RTL4: variants seen among roughly 807,000 people sequenced by gnomAD.
RTL4 encodes retrotransposon Gag like 4, also known as retrotransposon Gag-like protein 4.
RTL4 carries 4 observed loss-of-function variants against 5.3 expected under a neutral mutation model. That is an observed-to-expected ratio of 0.75 (90% CI 0.37 to 1.72). RTL4 has a LOEUF of 1.72. Ranked by LOEUF, RTL4 falls within the 40% of genes most tolerant of loss-of-function variation. The pLI is 0.04. For missense variants in RTL4, 260 were observed against 227.1 expected (o/e 1.14, Z -0.93); for synonymous variants, 98 against 87.3 (o/e 1.12, Z -0.68).
chrX:112,195,790 T>C, the RTL4 span, among the ~76,000 whole-genome samples: 1 of 111,621 alleles, frequency 9.0e-6, no homozygotes, highest in Non-Finnish European at 1.9e-5. Flanking sequence ...TTGTGTTTAG[T>C]TCTGGTACCT....
chrX:112,447,326 G>T, the RTL4 span, among the ~76,000 whole-genome samples: 1 of 111,771 alleles, frequency 8.9e-6, no homozygotes, highest in East Asian at 2.8e-4. Context: ...TGGATGCCAG[G>T]AAATTTACAT....
the RTL4 span, among the ~76,000 whole-genome samples, chrX:112,105,123 C>G: frequency 9.0e-6 from 1 of 111,642 alleles, no homozygotes; most frequent in Non-Finnish European, 1.9e-5. Flanking sequence ...ATCCAGTTTT[C>G]TCATCATAAT....
At chrX:112,442,415 A>AT in the RTL4 span, among the ~76,000 whole-genome samples, 23,358 of 97,058 alleles carry the variant, frequency 0.24, 2,557 homozygotes, top group African/African-American at 0.39. Context: ...TAATTTTTGT[A>AT]TTTTTTTTTT....
the RTL4 span, among the ~76,000 whole-genome samples, chrX:112,250,494 CTG>C: frequency 1.8e-5 from 2 of 111,536 alleles, no homozygotes; most frequent in Non-Finnish European, 3.8e-5. Context: ...TAGACCCAGT[CTG>C]TGTATCACTT....
At chrX:112,376,343 C>T in the RTL4 span, among the ~76,000 whole-genome samples, 1 of 111,440 alleles carries the variant, frequency 9.0e-6, no homozygotes, top group African/African-American at 3.3e-5. Flanking sequence ...TATTGACTCA[C>T]TCCCAGTTGA....
At chrX:112,431,410 A>G in the RTL4 span, among the ~76,000 whole-genome samples, 507 of 111,872 alleles carry the variant, frequency 4.5e-3, 2 homozygotes, top group African/African-American at 0.016. Flanking sequence ...CTGGTAATAA[A>G]ACTTACAAAA....
the RTL4 span, among the ~76,000 whole-genome samples, chrX:112,421,126 A>C: frequency 9.0e-6 from 1 of 111,524 alleles, no homozygotes; most frequent in Admixed American, 9.6e-5. Context: ...ATTTGTGAGA[A>C]CAAGGGCTCT....
chrX:112,269,884 C>T, the RTL4 span, among the ~76,000 whole-genome samples: 2 of 112,304 alleles, frequency 1.8e-5, no homozygotes, highest in Admixed American at 9.4e-5. Flanking sequence ...CTGTCCAATT[C>T]ACTTCTAGCC....
chrX:112,216,035 G>A, the RTL4 span, among the ~76,000 whole-genome samples: 1 of 111,566 alleles, frequency 9.0e-6, no homozygotes, highest in East Asian at 2.8e-4. Context: ...TTTCCTTTAT[G>A]TTAAGGGATG....
At chrX:112,401,104 T>A in the RTL4 span, among the ~76,000 whole-genome samples, 1 of 112,162 alleles carries the variant, frequency 8.9e-6, no homozygotes, top group Non-Finnish European at 1.9e-5. Flanking sequence ...TTCATATATT[T>A]TGTTCATTGT....
exon 1 of RTL4, chrX:112,455,946 G>C: frequency 2.9e-6 from 1 of 340,280 alleles, no homozygotes; most frequent in African/African-American, 2.6e-5. Context: ...TGCCCAGTCT[G>C]AGCCAATGAA....
At chrX:112,136,824 C>T in the RTL4 span, among the ~76,000 whole-genome samples, 3 of 111,664 alleles carry the variant, frequency 2.7e-5, no homozygotes, top group Admixed American at 1.9e-4. Flanking sequence ...GTTTTTATGC[C>T]AGTTTTATAC....
chrX:112,213,250 G>T, the RTL4 span, among the ~76,000 whole-genome samples: 1 of 112,732 alleles, frequency 8.9e-6, no homozygotes, highest in African/African-American at 3.2e-5. Flanking sequence ...TAATGTTGTT[G>T]GCTCTTCATG....
At chrX:112,175,822 G>GA in the RTL4 span, among the ~76,000 whole-genome samples, 4 of 111,257 alleles carry the variant, frequency 3.6e-5, no homozygotes, top group African/African-American at 6.5e-5. Context: ...ACTGGCACAA[G>GA]CAGGGATGCC....
At chrX:112,184,103 CA>C in the RTL4 span, among the ~76,000 whole-genome samples, 1 of 104,458 alleles carries the variant, frequency 9.6e-6, no homozygotes, top group East Asian at 3.1e-4. Context: ...ATTGCAAGGA[CA>C]AAAAACCAAA....
the RTL4 span, among the ~76,000 whole-genome samples, chrX:112,407,817 CTGTT>C: frequency 3.5e-5 from 4 of 112,829 alleles, no homozygotes; most frequent in African/African-American, 9.7e-5. Context: ...CAGAGAGACT[CTGTT>C]TGGGAGAAAG....
the RTL4 span, among the ~76,000 whole-genome samples, chrX:112,242,238 C>T: frequency 8.9e-6 from 1 of 111,806 alleles, no homozygotes; most frequent in Non-Finnish European, 1.9e-5. Flanking sequence ...TGAAGAAGGT[C>T]ATTGGTAGCT....
At chrX:112,437,525 AATATATATAT>A in the RTL4 span, among the ~76,000 whole-genome samples, 1 of 108,657 alleles carries the variant, frequency 9.2e-6, no homozygotes. Context: ...CTTTGTACCC[AATATATATAT>A]ATATACAACA....
chrX:112,265,872 A>T, the RTL4 span, among the ~76,000 whole-genome samples: 19,649 of 106,906 alleles, frequency 0.18, 1,356 homozygotes, highest in African/African-American at 0.23. Flanking sequence ...TGCCACCTTC[A>T]CTCTAGAACT....
Sources: allele counts gnomAD v4.1 joint callset (sites outside exome capture counted in the v4.1 genomes callset), GRCh38; gene constraint gnomAD v4.1.1; transcripts MANE v1.5; gene names NCBI Gene and HGNC (gene_info 2026-07-23, HGNC 2026-07-21).